Variants in VWCE observed in about 807,000 individuals in gnomAD.
The protein encoded by VWCE is von Willebrand factor C and EGF domain-containing protein.
Under a neutral mutation model 102.9 loss-of-function variants are expected in VWCE, and 68 were observed. The ratio of observed to expected loss-of-function variants is 0.66; its 90% CI spans 0.54 to 0.81. The LOEUF (loss-of-function observed/expected upper bound fraction) is 0.81. Ranked by LOEUF, VWCE falls within the 30% of genes least tolerant of loss-of-function variation. The pLI is 0.00. For synonymous variants in VWCE, 497 were observed against 515.4 expected, an observed-to-expected ratio of 0.96 and a Z score of 0.48; for missense variants, 1,137 against 1,263.6, an observed-to-expected ratio of 0.90 and a Z score of 1.52.
chr11:61,258,693 C>G lies in VWCE; in HGVS notation c.2850G>C (p.Gly950=), dbSNP rs1253579890. 2 of 1,394,966 alleles carry G rather than the reference C, an allele frequency of 1.4e-6. No individual in the cohort carries two copies. The highest frequency in any genetic ancestry group is 5.5e-5 in the Admixed American group (2 of 36,666). The allele number at this position is 1,394,966 out of a possible 1,614,324, so 86.4% of individuals were successfully genotyped here. Residue 950 remains glycine, a synonymous_variant, in exon 20 of 20, where the codon GGG becomes GGC. Transcript: ENST00000335613. The part of the protein sequence containing the change: ...PQQPPVGASR[G]EESTM ...GACCTCCTTACATGGTGGACTCTTC[C>G]CCCCGAGAAGCCCCCACTGGGGGCT...
Position 61,267,513 on chromosome 11 carries a change from G to A in VWCE, c.1914C>T (p.Asn638=), listed in dbSNP as rs776088874. 1 of 1,614,192 alleles carries A rather than the reference G, an allele frequency of 6.2e-7. No individual in the cohort carries two copies. Among genetic ancestry groups the A allele is most frequent in the South Asian group, 1.1e-5 (1 of 91,084 alleles). The change falls in exon 16 of 20, where the codon AAC becomes AAT. Residue 638 remains asparagine, a synonymous_variant. Transcript: ENST00000335613. ...GCTYTGRIFY[N]NETFPSVLDP... is the part of the protein sequence containing the mutation. ...CCAGCACAGACGGGAAGGTCTCGTT[G>A]TTATAGAAGATTCTGCCTGTGTAGG...
chr11:61,258,457 T>C lies in VWCE; in HGVS notation c.*218A>G, dbSNP rs1854248038. ...CAGCCACGCGGTCCAGGGAGGATGC[T>C]GACAGTGGAAACGACTTCCTCCATT... On this transcript the variant is annotated 3_prime_UTR_variant, in exon 20 of 20. Transcript: ENST00000335613. 1 of 439,272 alleles carries C rather than the reference T, an allele frequency of 2.3e-6. No homozygotes were observed. Among genetic ancestry groups the C allele is most frequent in the African/African-American group, 2.0e-5 (1 of 48,842 alleles). 27.2% of individuals were successfully genotyped at this position (439,272 alleles called of 1,614,324 possible).
chr11:61,292,186 G>T (rs979829804), intron 1 of VWCE, among the ~76,000 whole-genome samples: 8 of 151,164 alleles, frequency 5.3e-5, no homozygotes, highest in Non-Finnish European at 1.2e-4. Context: ...TGGCGCCACT[G>T]CCCTTCAGCC....
intron 11 of VWCE, among the ~76,000 whole-genome samples, chr11:61,276,104 C>A (rs1330114554): frequency 2.6e-5 from 4 of 152,228 alleles, no homozygotes; most frequent in African/African-American, 9.6e-5. Context: ...CTCCCCTACA[C>A]ACACAAAGAA....
At chr11:61,284,064 G>A (rs1280677572) in intron 5 of VWCE, among the ~76,000 whole-genome samples, 1 of 152,122 alleles carries the variant, frequency 6.6e-6, no homozygotes, top group Non-Finnish European at 1.5e-5. Context: ...GGAATGACTA[G>A]GTTCAAATCC....
intron 5 of VWCE, 106 bp from the exon 6 acceptor site, chr11:61,283,011 G>A: frequency 2.1e-6 from 2 of 953,174 alleles, no homozygotes; most frequent in South Asian, 2.8e-5. Flanking sequence ...ACACAGGGCT[G>A]TGGGGAACCA....
intron 5 of VWCE, among the ~76,000 whole-genome samples, chr11:61,285,608 A>G (rs1471107561): frequency 6.6e-6 from 1 of 152,032 alleles, no homozygotes; most frequent in Non-Finnish European, 1.5e-5. Context: ...TGCCCCTCCC[A>G]TGGCTCCTCG....
rs1292815507 is a variant in VWCE at position 61,272,338 on chromosome 11, CTT to C, written c.1700-580_1700-579del. Among the ~76,000 whole-genome samples the C allele has an allele frequency of 2.6e-5, 4 of 151,992 alleles. No homozygotes were observed. In the South Asian group the frequency reaches 8.3e-4, roughly 32 times the overall value. On this transcript the variant is annotated intron_variant, in intron 13 of 19. Coordinates refer to ENST00000335613, the MANE Select transcript of VWCE (RefSeq NM_152718.2). ...CAGATACTACTCAGAGAGACACAAACTTACACACAGACACACTCATAGAATCA... is the reference window on the plus strand; with the variant it reads ...CAGATACTACTCAGAGAGACACAAACACACACAGACACACTCATAGAATCA...
chr11:61,291,675 AT>A (rs1296940923), intron 1 of VWCE, 99 bp from the exon 2 acceptor site: 1 of 1,028,650 alleles, frequency 9.7e-7, no homozygotes, highest in African/African-American at 1.7e-5. Flanking sequence ...TCAACAAACA[AT>A]TCTCAAGAAC....
At position 61,258,817 on chromosome 11, in the gene VWCE, G is replaced by C; in HGVS notation, c.2726C>G (p.Ser909Trp). The C allele has an allele frequency of 6.6e-7, 1 of 1,505,078 alleles. No homozygotes were observed. The highest frequency in any genetic ancestry group is 8.9e-7 in the Non-Finnish European group (1 of 1,128,518). The allele number at this position is 1,505,078 out of a possible 1,614,324, so 93.2% of individuals were successfully genotyped here. Residue 909 changes from serine to tryptophan, a missense_variant, in exon 20 of 20, where the codon TCG becomes TGG. By Grantham distance (177) the Ser-to-Trp change is radical. Transcript: ENST00000335613. The stretch of plus-strand genomic sequence containing the variant: ...CCCGAGGAGGGTGATGGGGGTCTTC[G>C]AGGGGCTGGGGTCCATCATGGAAAG... ...SALSMMDPSP[S>W]KTPITLLGPR...
intron 4 of VWCE, among the ~76,000 whole-genome samples, chr11:61,288,861 C>T (rs1296561479): frequency 9.3e-5 from 13 of 139,040 alleles, no homozygotes; most frequent in Admixed American, 6.6e-4. Context: ...TTTTTTGAGA[C>T]GGAATCTCGC....
chr11:61,281,086 C>A lies in VWCE; in HGVS notation c.937G>T (p.Val313Phe). 6.2e-7 allele frequency: 1 copy of A among 1,608,692 alleles called. No homozygotes were observed. The highest frequency in any genetic ancestry group is 8.5e-7 in the Non-Finnish European group (1 of 1,177,188). ...PSGAPGPPAG[V>F]RTTRLPSPTP... ...GGAGATGGCAGGCGGGTGGTCCTGA[C>A]TCCGGCTGGGGGCCCTGGAGCCCCA... The change falls in exon 8 of 20, where the codon GTC becomes TTC. Residue 313 changes from valine to phenylalanine, a missense_variant. By Grantham distance (50) the Val-to-Phe change is conservative. Coordinates refer to ENST00000335613, the MANE Select transcript of VWCE (RefSeq NM_152718.2).
rs146086162 is a variant in VWCE, at chr11:61,267,156, G to C, written c.1965+306C>G. Among the ~76,000 whole-genome samples, 1,020 of 152,272 alleles carry C rather than the reference G, an allele frequency of 6.7e-3. 14 individuals carry two copies. Among genetic ancestry groups the C allele is most frequent in the African/African-American group, 0.024 (986 of 41,554 alleles). On this transcript the variant is annotated intron_variant, in intron 16 of 19. Coordinates refer to ENST00000335613, the MANE Select transcript of VWCE (RefSeq NM_152718.2). ...GCCTGTGGTCCCAGCTACTTGGGAG[G>C]CTGACACAGGAGAATCGCTTGAACT...
rs758731458 is a variant in VWCE at position 61,295,015 on chromosome 11, C to T, written c.23G>A (p.Arg8Gln). 3.4e-6 allele frequency: 5 copies of T among 1,467,914 alleles called. No individual in the cohort carries two copies. Among genetic ancestry groups the T allele is most frequent in the South Asian group, 2.6e-5 (2 of 76,992 alleles). The allele number at this position is 1,467,914 out of a possible 1,614,324, so 90.9% of individuals were successfully genotyped here. ...CAGCAGGAGCGCGACACAGGCGGCC[C>T]GAAGGAGCAGTCCGGCCCACATGAC... MWAGLLLRAACVALLLPG... is the reference protein window; with the variant it reads MWAGLLLQAACVALLLPG... The change falls in exon 1 of 20, where the codon CGG becomes CAG. Residue 8 changes from arginine to glutamine, a missense_variant. By Grantham distance (43) the Arg-to-Gln change is conservative. This residue lies in a region of VWCE where 575 missense variants were observed against 625.9 expected (regional missense o/e 0.92). Transcript: ENST00000335613. The surrounding 1 kb of genome is among the most constrained non-coding windows in gnomAD (Gnocchi z 4.6).
chr11:61,286,592 C>T (rs1292918644), intron 4 of VWCE, among the ~76,000 whole-genome samples, 162 bp from the exon 5 acceptor site: 6 of 150,462 alleles, frequency 4.0e-5, no homozygotes, highest in Admixed American at 2.0e-4. Context: ...CACCAGAGGT[C>T]GGAGTTCAAG....
intron 14 of VWCE, 112 bp from the exon 15 acceptor site, chr11:61,269,130 G>A (rs1854596234): frequency 1.1e-6 from 1 of 933,430 alleles, no homozygotes; most frequent in Non-Finnish European, 1.7e-6. Flanking sequence ...GCCCTGAAAG[G>A]CAACATGACG....
chr11:61,291,366 G>A lies in VWCE; in HGVS notation c.206-13C>T, dbSNP rs1270867331. ...AAGGAGCAGAGGGCTGAGAGGAGAA[G>A]TGCAGGTGAGACACGAGGAACTGGG... On this transcript the variant is annotated splice_polypyrimidine_tract_variant and intron_variant, in intron 2 of 19. Coordinates refer to ENST00000335613, the MANE Select transcript of VWCE (RefSeq NM_152718.2). 6.2e-7 allele frequency: 1 copy of A among 1,610,288 alleles called. No individual in the cohort carries two copies. The highest frequency in any genetic ancestry group is 1.1e-5 in the South Asian group (1 of 90,106).
chr11:61,277,902 G>T (rs556239003), intron 10 of VWCE, among the ~76,000 whole-genome samples: 1 of 151,994 alleles, frequency 6.6e-6, no homozygotes, highest in African/African-American at 2.4e-5. Context: ...GCAGTGGCGC[G>T]ATCTCAGCTC....
In VWCE at chr11:61,259,073, G is replaced by T; in HGVS notation, c.2470C>A (p.His824Asn). ...PTSPAGAHGP[H>N]SLALGLTATF... Reference sequence around the variant, plus strand: ...GCTGTCAGCCCCAAAGCGAGTGAGTGTGGACCATGAGCTCCTGCCGGGCTT... The same window carrying T: ...GCTGTCAGCCCCAAAGCGAGTGAGTTTGGACCATGAGCTCCTGCCGGGCTT... The change falls in exon 20 of 20, where the codon CAC (histidine) becomes AAC (asparagine). Residue 824 changes from histidine to asparagine, a missense_variant. By Grantham distance (68) the His-to-Asn change is moderately conservative (BLOSUM62 1). Coordinates refer to ENST00000335613, the MANE Select transcript of VWCE (RefSeq NM_152718.2). 6.2e-7 allele frequency: 1 copy of T among 1,614,044 alleles called. No homozygotes were observed. Among genetic ancestry groups the T allele is most frequent in the Non-Finnish European group, 8.5e-7 (1 of 1,179,916 alleles).
Sources: allele counts gnomAD v4.1 joint callset (sites outside exome capture counted in the v4.1 genomes callset), GRCh38; gene constraint gnomAD v4.1.1; regional missense constraint gnomAD v4.1.1; non-coding constraint Gnocchi (gnomAD v3.1); transcripts MANE v1.5; gene names NCBI Gene and HGNC (gene_info 2026-07-23, HGNC 2026-07-21).